Variants in SLC45A4 observed in about 807,000 individuals in gnomAD.
SLC45A4 encodes the protein polyamine-transporter SLC45A4.
Under a neutral mutation model 63.7 loss-of-function variants are expected in SLC45A4, and 32 were observed. The observed-to-expected ratio is 0.50, with a 90% CI of 0.38 to 0.67. The LOEUF (loss-of-function observed/expected upper bound fraction) is 0.67. SLC45A4 is among the 30% of genes least tolerant of loss of function. SLC45A4 has a pLI of 0.00. For missense variants in SLC45A4, 1,027 were observed against 1,157.7 expected, an observed-to-expected ratio of 0.89 and a Z score of 1.64; for synonymous variants, 535 against 510.0, an observed-to-expected ratio of 1.05 and a Z score of -0.66.
intron 1 of SLC45A4, among the ~76,000 whole-genome samples, chr8:141,262,717 G>GGTAC (rs1829089223): frequency 6.6e-6 from 1 of 152,164 alleles, no homozygotes; most frequent in African/African-American, 2.4e-5. Context: ...AGAAACAACA[G>GGTAC]GTACTGGAGA....
At chr8:141,304,982 G>A (rs1830856639) in intron 1 of SLC45A4, among the ~76,000 whole-genome samples, 1 of 152,174 alleles carries the variant, frequency 6.6e-6, no homozygotes, top group Admixed American at 6.5e-5. Flanking sequence ...GCAAGGGGTT[G>A]AAAATGACAA....
chr8:141,245,270 C>A (rs1462539849), intron 2 of SLC45A4, among the ~76,000 whole-genome samples: 1 of 152,180 alleles, frequency 6.6e-6, no homozygotes, highest in African/African-American at 2.4e-5. Flanking sequence ...TTTTTGGATT[C>A]TCCAAGAGGA....
At chr8:141,285,602 C>A (rs763275422) in intron 1 of SLC45A4, among the ~76,000 whole-genome samples, 1 of 152,214 alleles carries the variant, frequency 6.6e-6, no homozygotes, top group Admixed American at 6.5e-5. Context: ...TGCACATCCA[C>A]GGCCACGTCC....
At chr8:141,236,761 T>C (rs972110816) in intron 2 of SLC45A4, among the ~76,000 whole-genome samples, 15 of 152,258 alleles carry the variant, frequency 9.9e-5, no homozygotes, top group Non-Finnish European at 2.2e-4. Flanking sequence ...TTTATTTTGA[T>C]ACATGTTTTA....
At chr8:141,213,383 T>C (rs771348564) in intron 7 of SLC45A4, among the ~76,000 whole-genome samples, 1 of 152,250 alleles carries the variant, frequency 6.6e-6, no homozygotes, top group Non-Finnish European at 1.5e-5. Flanking sequence ...ACATGGGGTA[T>C]GTTCTCTGGC....
chr8:141,240,618 T>G (rs1291114105), intron 2 of SLC45A4, among the ~76,000 whole-genome samples: 3 of 152,152 alleles, frequency 2.0e-5, no homozygotes, highest in African/African-American at 7.2e-5. Flanking sequence ...CAGTGCCTGT[T>G]GTCCCAGCAC....
intron 2 of SLC45A4, chr8:141,228,052 G>C: frequency 1.7e-6 from 2 of 1,159,688 alleles, no homozygotes; most frequent in Non-Finnish European, 2.5e-6. Context: ...TAGAGGGTGA[G>C]GCAGAGCCCT....
Position 141,211,442 on chromosome 8 carries a change from T to C in SLC45A4, c.*130A>G. On this transcript the variant is annotated 3_prime_UTR_variant, in exon 9 of 9. Coordinates refer to ENST00000517878, the MANE Select transcript of SLC45A4 (RefSeq NM_001286646.2). ...GGTGTCTGGGAGCCACCCCTGCAAATCACTGTCTTCTGCCCAGGCCCCCCG... is the reference window on the plus strand; with the variant it reads ...GGTGTCTGGGAGCCACCCCTGCAAACCACTGTCTTCTGCCCAGGCCCCCCG... 1.3e-6 allele frequency: 2 copies of C among 1,571,352 alleles called. No individual in the cohort carries two copies. The highest frequency in any genetic ancestry group is 1.7e-6 in the Non-Finnish European group (2 of 1,158,966).
At position 141,227,200 on chromosome 8, in the gene SLC45A4, T is replaced by G. The variant is rs1193632146; in HGVS notation, c.242-5435A>C. The stretch of plus-strand genomic sequence containing the variant: ...AAGGCTCTCCGTTCACAGGAAATAC[T>G]GTGTCACCGCTCGGCCGCAGGCTGT... On this transcript the variant is annotated intron_variant, in intron 2 of 8. Transcript: ENST00000517878. The surrounding 1 kb of genome is among the most constrained non-coding windows in gnomAD (Gnocchi z 4.4). 6.6e-6 allele frequency among the ~76,000 whole-genome samples: 1 copy of G among 152,204 alleles called. No homozygotes were observed.
At chr8:141,238,013 G>A (rs1433953669) in intron 2 of SLC45A4, among the ~76,000 whole-genome samples, 2 of 152,244 alleles carry the variant, frequency 1.3e-5, no homozygotes, top group Non-Finnish European at 1.5e-5. Flanking sequence ...CCTTGCACAA[G>A]AAGTTTCTCA....
At chr8:141,307,218 C>G (rs987259991) in intron 1 of SLC45A4, among the ~76,000 whole-genome samples, 1 of 152,180 alleles carries the variant, frequency 6.6e-6, no homozygotes, top group South Asian at 2.1e-4. Context: ...AGCAGGATAC[C>G]TGGGGGAGGA....
Position 141,217,098 on chromosome 8 carries a change from A to G in SLC45A4, c.1721T>C (p.Ile574Thr). 1 of 1,613,918 alleles carries G rather than the reference A, an allele frequency of 6.2e-7. No individual in the cohort carries two copies. Among genetic ancestry groups the G allele is most frequent in the Non-Finnish European group, 8.5e-7 (1 of 1,179,980 alleles). ...ACTTGGGGAGCTCTTACCTGAACAA[A>G]TAGCACCAGTGGCGGCATAAATGAC... ...GLVIYAATGA[I>T]CSALLQKYLD... is the part of the protein sequence containing the mutation. Residue 574 changes from isoleucine to threonine, a missense_variant, in exon 6 of 9, where the codon ATT (isoleucine) becomes ACT (threonine). By Grantham distance (89) the Ile-to-Thr change is moderately conservative. Coordinates refer to ENST00000517878, the MANE Select transcript of SLC45A4 (RefSeq NM_001286646.2).
chr8:141,262,721 C>T (rs1171738062), intron 1 of SLC45A4, among the ~76,000 whole-genome samples: 1 of 152,160 alleles, frequency 6.6e-6, no homozygotes, highest in Non-Finnish European at 1.5e-5. Flanking sequence ...ACAACAGGTA[C>T]TGGAGAGGAT....
chr8:141,228,514 G>T, intron 2 of SLC45A4: 1 of 1,316,380 alleles, frequency 7.6e-7, no homozygotes, highest in Non-Finnish European at 9.8e-7. Flanking sequence ...TGTCTTCACT[G>T]GCCAGCTCCT....
intron 1 of SLC45A4, among the ~76,000 whole-genome samples, chr8:141,297,935 C>A (rs1830618382): frequency 6.8e-6 from 1 of 147,866 alleles, no homozygotes; most frequent in African/African-American, 2.5e-5. Flanking sequence ...CCCAAAATTG[C>A]AAAAAAAAAA....
At chr8:141,277,181 G>T (rs557952577) in intron 1 of SLC45A4, among the ~76,000 whole-genome samples, 9 of 152,386 alleles carry the variant, frequency 5.9e-5, no homozygotes, top group African/African-American at 2.2e-4. Flanking sequence ...CATGTGGACA[G>T]ACATCGTTTT....
At chr8:141,249,583 G>A (rs575431978) in intron 2 of SLC45A4, among the ~76,000 whole-genome samples, 77 of 152,266 alleles carry the variant, frequency 5.1e-4, no homozygotes, top group African/African-American at 1.8e-3. Flanking sequence ...GGGCATTTGG[G>A]AGCACTGGGG....
chr8:141,243,509 G>A (rs1017986868), intron 2 of SLC45A4, among the ~76,000 whole-genome samples: 1 of 152,214 alleles, frequency 6.6e-6, no homozygotes, highest in African/African-American at 2.4e-5. Context: ...GCCGGGTGCA[G>A]TGGCTCACAC....
intron 1 of SLC45A4, among the ~76,000 whole-genome samples, chr8:141,294,270 C>A (rs1830461311): frequency 6.6e-6 from 1 of 152,236 alleles, no homozygotes; most frequent in African/African-American, 2.4e-5. Flanking sequence ...GTCAGGGTGG[C>A]TGGACAGAAG....
Sources: allele counts gnomAD v4.1 joint callset (sites outside exome capture counted in the v4.1 genomes callset), GRCh38; gene constraint gnomAD v4.1.1; non-coding constraint Gnocchi (gnomAD v3.1); transcripts MANE v1.5; gene names NCBI Gene and HGNC (gene_info 2026-07-23, HGNC 2026-07-21).